Variants in PHACTR1 observed in about 807,000 individuals in gnomAD.
PHACTR1 encodes the protein phosphatase and actin regulator 1, also known as RPEL repeat containing 1.
PHACTR1 carries 16 observed loss-of-function variants against 69.2 expected under a neutral mutation model. The observed-to-expected ratio is 0.23, with a 90% confidence interval of 0.16 to 0.35. PHACTR1 has a LOEUF of 0.35. PHACTR1 is among the 10% of genes least tolerant of loss of function. The probability of loss-of-function intolerance (pLI) is 1.00; values close to 1 mark genes in which losing one functional copy is unlikely to be tolerated. For synonymous variants in PHACTR1, 312 were observed against 284.5 expected, an observed-to-expected ratio of 1.10 and a Z score of -0.97; for missense variants, 510 against 734.7, an observed-to-expected ratio of 0.69 and a Z score of 3.54.
At chr6:12,778,707 A>G (rs1770412835) in intron 4 of PHACTR1, among the ~76,000 whole-genome samples, 1 of 152,218 alleles carries the variant, frequency 6.6e-6, no homozygotes, top group South Asian at 2.1e-4. Context: ...TGAAAAGAGT[A>G]CCTTGGAAGA....
rs530581844 is a variant in PHACTR1, at chr6:12,814,716, A to T, written c.250+64926A>T. ...AAATGGAAGAAAAAAAAACAAAAAA[A>T]GCTATACTCGATACAGTTAGTCTAA... On this transcript the variant is annotated intron_variant, in intron 4 of 14. Coordinates refer to ENST00000332995, the MANE Select transcript of PHACTR1 (RefSeq NM_030948.6). Among the ~76,000 whole-genome samples the T allele has an allele frequency of 5.3e-5, 8 of 152,328 alleles. No individual in the cohort carries two copies. In the South Asian group the frequency reaches 6.2e-4, roughly 12 times the overall value.
intron 5 of PHACTR1, among the ~76,000 whole-genome samples, chr6:13,101,464 C>G (rs544811951): frequency 2.0e-4 from 31 of 152,300 alleles, no homozygotes; most frequent in African/African-American, 7.2e-4. Flanking sequence ...CTGGTCTGAC[C>G]ACACCGAGTA....
chr6:12,979,849 T>G (rs1016702431), intron 4 of PHACTR1, among the ~76,000 whole-genome samples: 1 of 152,202 alleles, frequency 6.6e-6, no homozygotes, highest in Admixed American at 6.5e-5. Flanking sequence ...AAAGGTTGTT[T>G]CATCCTTTCG....
intron 8 of PHACTR1, among the ~76,000 whole-genome samples, chr6:13,209,541 C>G (rs1436789117): frequency 6.6e-6 from 1 of 152,176 alleles, no homozygotes; most frequent in African/African-American, 2.4e-5. Flanking sequence ...CAGTCTGATC[C>G]TGATGAAAAA....
chr6:13,038,086 A>T (rs1803587790), intron 4 of PHACTR1, among the ~76,000 whole-genome samples: 2 of 152,230 alleles, frequency 1.3e-5, no homozygotes, highest in Non-Finnish European at 2.9e-5. Context: ...CAGAGTCATG[A>T]TGAGACTAGT....
At chr6:13,050,341 C>G (rs1057097601) in intron 4 of PHACTR1, among the ~76,000 whole-genome samples, 8 of 152,160 alleles carry the variant, frequency 5.3e-5, no homozygotes, top group Non-Finnish European at 1.0e-4. Flanking sequence ...TATCTTCCTC[C>G]TTTAGCCTCC....
intron 6 of PHACTR1, among the ~76,000 whole-genome samples, chr6:13,163,197 A>G (rs1302733694): frequency 1.3e-5 from 2 of 152,208 alleles, no homozygotes; most frequent in Non-Finnish European, 2.9e-5. Flanking sequence ...GTGAGCCAAG[A>G]TTGCACACTG....
intron 6 of PHACTR1, among the ~76,000 whole-genome samples, chr6:13,165,619 G>A (rs1005092228): frequency 1.3e-5 from 2 of 152,144 alleles, no homozygotes; most frequent in African/African-American, 4.8e-5. Flanking sequence ...AGCAGGATAA[G>A]GAAATAAAGT....
At chr6:13,026,975 G>T (rs930480165) in intron 4 of PHACTR1, among the ~76,000 whole-genome samples, 5 of 152,122 alleles carry the variant, frequency 3.3e-5, no homozygotes, top group African/African-American at 4.8e-5. Context: ...AAGCAAAGGT[G>T]GTTGGGCTGA....
At chr6:12,737,476 C>T (rs749244191) in intron 3 of PHACTR1, among the ~76,000 whole-genome samples, 29 of 151,392 alleles carry the variant, frequency 1.9e-4, no homozygotes, top group South Asian at 4.2e-4. Flanking sequence ...TGTATGATTG[C>T]GTGTGTGTAT....
At chr6:13,247,385 C>G (rs973343696) in intron 10 of PHACTR1, among the ~76,000 whole-genome samples, 4 of 144,106 alleles carry the variant, frequency 2.8e-5, no homozygotes, top group Non-Finnish European at 6.0e-5. Flanking sequence ...CATTTTTGTC[C>G]CCCAGGCTGG....
At chr6:12,958,519 T>C (rs1792198456) in intron 4 of PHACTR1, among the ~76,000 whole-genome samples, 1 of 152,190 alleles carries the variant, frequency 6.6e-6, no homozygotes. Context: ...GGATTCCAGC[T>C]TGGGGCAGTG....
At chr6:12,775,409 G>A (rs2127634000) in intron 4 of PHACTR1, among the ~76,000 whole-genome samples, 1 of 152,262 alleles carries the variant, frequency 6.6e-6, no homozygotes, top group Non-Finnish European at 1.5e-5. Context: ...AGTAAATACA[G>A]TATGAGAACA....
At chr6:13,268,083 G>A (rs1277426211) in intron 10 of PHACTR1, among the ~76,000 whole-genome samples, 6 of 151,854 alleles carry the variant, frequency 4.0e-5, no homozygotes, top group South Asian at 2.1e-4. Flanking sequence ...CCTGGCCAAC[G>A]TGGTGAAACC....
At chr6:13,231,216 AAAAG>A (rs1771036981) in intron 10 of PHACTR1, among the ~76,000 whole-genome samples, 1 of 145,920 alleles carries the variant, frequency 6.9e-6, no homozygotes, top group Non-Finnish European at 1.5e-5. Flanking sequence ...GAAGGAAGGG[AAAAG>A]AAAGAAGGAA....
chr6:12,852,981 A>G (rs983540546), intron 4 of PHACTR1, among the ~76,000 whole-genome samples: 3 of 152,146 alleles, frequency 2.0e-5, no homozygotes, highest in Non-Finnish European at 4.4e-5. Context: ...CTATGTGAAG[A>G]AATTGTAACC....
At chr6:13,261,101 G>A (rs1775849824) in intron 10 of PHACTR1, among the ~76,000 whole-genome samples, 1 of 152,196 alleles carries the variant, frequency 6.6e-6, no homozygotes, top group Admixed American at 6.5e-5. Flanking sequence ...AATCACCCAT[G>A]CTGAGAACCA....
At chr6:12,737,634 A>G (rs111790740) in intron 3 of PHACTR1, among the ~76,000 whole-genome samples, 8 of 148,936 alleles carry the variant, frequency 5.4e-5, no homozygotes, top group African/African-American at 2.0e-4. Flanking sequence ...TCTCTCTGTC[A>G]CTCAGGCTGG....
chr6:13,107,428 T>C lies in PHACTR1; in HGVS notation c.416-52776T>C, dbSNP rs181131280. ...TGCTTGGTCTCTTTCTCTTTGTATCTAAATAAGTTTGTGTAAATTTGTTAT... is the reference window on the plus strand; with the variant it reads ...TGCTTGGTCTCTTTCTCTTTGTATCCAAATAAGTTTGTGTAAATTTGTTAT... On this transcript the variant is annotated intron_variant, in intron 5 of 14. Transcript: ENST00000332995. 4.6e-5 allele frequency among the ~76,000 whole-genome samples: 7 copies of C among 152,334 alleles called. No individual in the cohort carries two copies. In the East Asian group the frequency reaches 1.4e-3, roughly 29 times the overall value.
Sources: gnomAD v4.1 joint callset for allele counts (sites outside exome capture counted in the v4.1 genomes callset) on GRCh38, gnomAD v4.1.1 for gene constraint, MANE v1.5 for transcripts, NCBI Gene and HGNC (gene_info 2026-07-23, HGNC 2026-07-21) for gene names.